POLA1: variants seen among roughly 807,000 people sequenced by gnomAD.
POLA1 encodes DNA polymerase alpha 1, catalytic subunit, also known as DNA polymerase alpha catalytic subunit.
POLA1 carries 15 observed loss-of-function variants against 124.0 expected under a neutral mutation model. The observed-to-expected ratio is 0.12, with a 90% CI of 0.08 to 0.19. The LOEUF (loss-of-function observed/expected upper bound fraction) is 0.19. Among genes scored for constraint, POLA1 ranks in the 10% least tolerant of loss-of-function variants. The pLI is 1.00. For missense variants in POLA1, 886 were observed against 1,103.4 expected (o/e 0.80, Z 2.79); for synonymous variants, 408 against 389.4 (o/e 1.05, Z -0.56).
intron 21 of POLA1, 131 bp from the exon 22 acceptor site, chrX:24,741,871 T>A (rs71541517): frequency 1.9e-5 from 9 of 478,468 alleles, no homozygotes; most frequent in African/African-American, 1.8e-4. Flanking sequence ...CTTTTTTTTT[T>A]TTAAAAAAAA....
At chrX:24,769,660 G>A (rs1028838283) in intron 26 of POLA1, among the ~76,000 whole-genome samples, 1 of 111,663 alleles carries the variant, frequency 9.0e-6, no homozygotes, top group Non-Finnish European at 1.9e-5. Flanking sequence ...TGAAGTTGGG[G>A]AGGGAAGGGG....
chrX:24,708,397 A>AT (rs1345084611), intron 4 of POLA1, among the ~76,000 whole-genome samples: 2 of 56,025 alleles, frequency 3.6e-5, no homozygotes, highest in African/African-American at 1.4e-4. Flanking sequence ...TTTTTAATTT[A>AT]TTTTTTTATT....
chrX:24,980,307 A>G (rs2048407544), intron 36 of POLA1, among the ~76,000 whole-genome samples: 1 of 112,084 alleles, frequency 8.9e-6, no homozygotes, highest in Admixed American at 9.5e-5. Flanking sequence ...ATAATGTTTG[A>G]TGTAACCTCG....
rs1374518993 is a variant in POLA1, at chrX:24,849,676, G to A, written c.4047+5999G>A. ...AGACGGAGTCTTGCTCTTCGCCCAG[G>A]CTGGAGTGCAGTGGTGCAATCTCAG... On this transcript the variant is annotated intron_variant, in intron 34 of 36. Coordinates refer to ENST00000379068, the MANE Select transcript of POLA1 (RefSeq NM_001330360.2). 7.7e-5 allele frequency among the ~76,000 whole-genome samples: 8 copies of A among 103,775 alleles called. 1 individual carries two copies. The Admixed American group carries it at 8.4e-4, about 11-fold the overall frequency. 90.1% of individuals were successfully genotyped at this position (103,775 alleles called of 115,157 possible).
chrX:24,927,791 C>G (rs1037636802), intron 35 of POLA1, among the ~76,000 whole-genome samples: 1 of 112,006 alleles, frequency 8.9e-6, no homozygotes, highest in Non-Finnish European at 1.9e-5. Flanking sequence ...CAATCTTGTA[C>G]AGTCAAAATG....
chrX:24,878,731 TAAAA>T (rs11288921), intron 34 of POLA1, among the ~76,000 whole-genome samples: 2 of 99,764 alleles, frequency 2.0e-5, no homozygotes, highest in African/African-American at 7.2e-5. Flanking sequence ...TTAGATTTAG[TAAAA>T]AAAAAAAAAA....
intron 35 of POLA1, among the ~76,000 whole-genome samples, chrX:24,927,974 A>C (rs1312139341): frequency 8.9e-6 from 1 of 111,899 alleles, no homozygotes; most frequent in African/African-American, 3.2e-5. Context: ...AAATCAAGAC[A>C]ACAAAAGTAG....
At chrX:24,777,256 A>G (rs980042452) in intron 26 of POLA1, among the ~76,000 whole-genome samples, 1 of 112,313 alleles carries the variant, frequency 8.9e-6, no homozygotes, top group Non-Finnish European at 1.9e-5. Flanking sequence ...TGCTGTATGT[A>G]TATTTTGGTA....
Position 24,992,798 on chromosome X carries a change from T to A in POLA1, c.4262-3007T>A, listed in dbSNP as rs1303072972. On this transcript the variant is annotated intron_variant, in intron 36 of 36. Transcript: ENST00000379068. ...ATTTTAATAGAGCTAGCATTTTATTTGATCAGTTGACTTTTATATAAAATA... is the reference window on the plus strand; with the variant it reads ...ATTTTAATAGAGCTAGCATTTTATTAGATCAGTTGACTTTTATATAAAATA... 2.7e-5 allele frequency among the ~76,000 whole-genome samples: 3 copies of A among 112,951 alleles called. No individual in the cohort carries two copies. The South Asian group carries it at 1.1e-3, about 41-fold the overall frequency.
chrX:24,937,880 A>G (rs1218616304), intron 36 of POLA1, among the ~76,000 whole-genome samples: 1 of 112,380 alleles, frequency 8.9e-6, no homozygotes, highest in African/African-American at 3.2e-5. Context: ...AACAACAACT[A>G]TGCAGGCTAC....
intron 36 of POLA1, among the ~76,000 whole-genome samples, chrX:24,941,279 A>G (rs1474443148): frequency 2.7e-5 from 3 of 111,913 alleles, no homozygotes; most frequent in Non-Finnish European, 3.8e-5. Context: ...GGTTAAAAGC[A>G]AAGTGTTCAC....
chrX:24,928,435 T>A (rs973221500), intron 35 of POLA1, among the ~76,000 whole-genome samples: 4 of 112,363 alleles, frequency 3.6e-5, no homozygotes, highest in Non-Finnish European at 7.5e-5. Flanking sequence ...ACGGAAGGAC[T>A]GAGGGGCAAT....
At chrX:24,711,252 G>A (rs1929407543) in intron 4 of POLA1, among the ~76,000 whole-genome samples, 1 of 112,484 alleles carries the variant, frequency 8.9e-6, no homozygotes, top group African/African-American at 3.2e-5. Flanking sequence ...GGAAAGTGTT[G>A]GGATTACAGG....
intron 35 of POLA1, among the ~76,000 whole-genome samples, chrX:24,903,887 G>A (rs1488368465): frequency 9.1e-6 from 1 of 109,562 alleles, no homozygotes; most frequent in African/African-American, 3.3e-5. Flanking sequence ...TAGCAGGTAG[G>A]TTAAAGATGA....
At chrX:24,765,505 C>T (rs766872649) in intron 26 of POLA1, among the ~76,000 whole-genome samples, 36 of 109,376 alleles carry the variant, frequency 3.3e-4, no homozygotes, top group Non-Finnish European at 5.7e-4. Context: ...CGTGGTTGGC[C>T]GTGCTGGTCT....
At chrX:24,910,308 T>C (rs756590996) in intron 35 of POLA1, among the ~76,000 whole-genome samples, 1 of 108,782 alleles carries the variant, frequency 9.2e-6, no homozygotes, top group African/African-American at 3.4e-5. Flanking sequence ...AGGGCATCCC[T>C]GTCTTGTGCC....
At chrX:24,772,756 G>T (rs916869167) in intron 26 of POLA1, among the ~76,000 whole-genome samples, 2 of 111,700 alleles carry the variant, frequency 1.8e-5, no homozygotes, top group African/African-American at 6.5e-5. Flanking sequence ...TAGTTCAACC[G>T]TTGTGGAAGA....
At chrX:24,841,880 T>G in intron 33 of POLA1, 50 bp downstream of exon 33, 25 of 913,777 alleles carry the variant, frequency 2.7e-5, no homozygotes, top group Non-Finnish European at 3.6e-5. Context: ...ATAAAGGCCT[T>G]ACCCCCTTCC....
intron 30 of POLA1, among the ~76,000 whole-genome samples, chrX:24,818,280 T>C (rs1053209187): frequency 9.0e-6 from 1 of 110,812 alleles, no homozygotes; most frequent in Admixed American, 9.6e-5. Context: ...GGAAAGTATG[T>C]CAGCTGAAAT....
Sources: gnomAD v4.1 joint callset for allele counts (sites outside exome capture counted in the v4.1 genomes callset) on GRCh38, gnomAD v4.1.1 for gene constraint, MANE v1.5 for transcripts, NCBI Gene and HGNC (gene_info 2026-07-23, HGNC 2026-07-21) for gene names.